The following TRAPPC6B variants were observed in gnomAD, a reference collection of about 807,000 sequenced individuals.
TRAPPC6B encodes trafficking protein particle complex subunit 6B, also known as TRAPP complex subunit 6B.
Under a neutral mutation model 24.7 loss-of-function variants are expected in TRAPPC6B, and 27 were observed. The ratio of observed to expected loss-of-function variants is 1.09; its 90% confidence interval spans 0.81 to 1.51. TRAPPC6B has a LOEUF of 1.51. Ranked by LOEUF, TRAPPC6B falls within the 40% of genes most tolerant of loss-of-function variation. The pLI is 0.00. For synonymous variants in TRAPPC6B, 80 were observed against 66.6 expected, an observed-to-expected ratio of 1.20 and a Z score of -0.98; for missense variants, 212 against 190.8, an observed-to-expected ratio of 1.11 and a Z score of -0.66.
In TRAPPC6B at chr14:39,149,483, T is replaced by C. The variant is rs2052890506; in HGVS notation, c.*867A>G. 1 of 152,208 alleles carries C rather than the reference T, an allele frequency of 6.6e-6. No homozygotes were observed. Among genetic ancestry groups the C allele is most frequent in the South Asian group, 2.1e-4 (1 of 4,830 alleles). The allele number at this position is 152,208 out of a possible 1,614,324, so 9.4% of individuals were successfully genotyped here. On this transcript the variant is annotated 3_prime_UTR_variant, in exon 6 of 6. Coordinates refer to ENST00000330149, the MANE Select transcript of TRAPPC6B (RefSeq NM_001079537.2). ...AGTAGAAGAGGTGGTAAGAAAGATATATCAGATGAGCACTGACCCCAAACC... is the reference window on the plus strand; with the variant it reads ...AGTAGAAGAGGTGGTAAGAAAGATACATCAGATGAGCACTGACCCCAAACC...
At chr14:39,161,649 T>C (rs764917358) in intron 1 of TRAPPC6B, among the ~76,000 whole-genome samples, 12 of 152,152 alleles carry the variant, frequency 7.9e-5, no homozygotes, top group Non-Finnish European at 1.6e-4. Context: ...CTGGATGTCT[T>C]TGGGCATGAG....
intron 3 of TRAPPC6B, among the ~76,000 whole-genome samples, chr14:39,156,462 T>C (rs570867529): frequency 2.5e-3 from 385 of 152,252 alleles, no homozygotes; most frequent in Non-Finnish European, 4.5e-3. Flanking sequence ...GGAGTGGTGG[T>C]GCATGCCTAT....
intron 3 of TRAPPC6B, among the ~76,000 whole-genome samples, chr14:39,154,608 T>C (rs2052954394): frequency 2.0e-5 from 3 of 151,938 alleles, no homozygotes; most frequent in Non-Finnish European, 4.4e-5. Context: ...CTTGTACAGA[T>C]GGGGTTTCGC....
chr14:39,164,228 G>A (rs2053085927), intron 1 of TRAPPC6B, among the ~76,000 whole-genome samples: 1 of 152,114 alleles, frequency 6.6e-6, no homozygotes, highest in Admixed American at 6.5e-5. Context: ...GGGCATGATG[G>A]CTCACGCCTC....
intron 1 of TRAPPC6B, among the ~76,000 whole-genome samples, chr14:39,166,808 G>C (rs2053112987): frequency 6.7e-6 from 1 of 149,278 alleles, no homozygotes; most frequent in Admixed American, 6.8e-5. Context: ...TGGTCCTCTG[G>C]CCCCCACCTC....
intron 1 of TRAPPC6B, among the ~76,000 whole-genome samples, chr14:39,163,093 C>T (rs2053075801): frequency 6.6e-6 from 1 of 150,636 alleles, no homozygotes; most frequent in Non-Finnish European, 1.5e-5. Context: ...AATGTGTTGG[C>T]TGGGTGTGGT....
intron 3 of TRAPPC6B, among the ~76,000 whole-genome samples, 198 bp downstream of exon 3, chr14:39,158,087 G>C (rs1295715398): frequency 1.3e-5 from 2 of 152,126 alleles, no homozygotes; most frequent in Non-Finnish European, 2.9e-5. Flanking sequence ...GAAAGGAACA[G>C]CTATCATTAC....
intron 1 of TRAPPC6B, among the ~76,000 whole-genome samples, chr14:39,165,279 T>C (rs1421392551): frequency 6.6e-6 from 1 of 152,182 alleles, no homozygotes; most frequent in East Asian, 1.9e-4. Context: ...TCTCCTGACC[T>C]TGTGATCCGC....
chr14:39,148,803 TTAG>T lies in TRAPPC6B; in HGVS notation c.*1544_*1546del. ...ATACATTCTGAGAAATGCATCATCA[TTAG>T]GAGATTTTAAAATTGTACAATCACA... On this transcript the variant is annotated 3_prime_UTR_variant, in exon 6 of 6. Coordinates refer to ENST00000330149, the MANE Select transcript of TRAPPC6B (RefSeq NM_001079537.2). 1 of 398,334 alleles carries T rather than the reference TTAG, an allele frequency of 2.5e-6. No individual in the cohort carries two copies. 24.7% of individuals were successfully genotyped at this position (398,334 alleles called of 1,614,324 possible). A position where few individuals can be genotyped will look rare whatever the true frequency, so the allele number is the denominator to read the frequency against.
At chr14:39,150,467 T>C (rs549552968) in intron 5 of TRAPPC6B, 86 bp from the exon 6 acceptor site, 5 of 990,806 alleles carry the variant, frequency 5.0e-6, no homozygotes, top group South Asian at 1.5e-5. Context: ...ATATAGGAAA[T>C]AGTTTCAGTC....
At chr14:39,164,538 C>T (rs963147624) in intron 1 of TRAPPC6B, among the ~76,000 whole-genome samples, 1 of 152,076 alleles carries the variant, frequency 6.6e-6, no homozygotes, top group Non-Finnish European at 1.5e-5. Context: ...GCACCTGCTC[C>T]CCTTTCTTCA....
At position 39,148,808 on chromosome 14, in the gene TRAPPC6B, A is replaced by G. The variant is rs547150697; in HGVS notation, c.*1542T>C. 2.0e-5 allele frequency: 8 copies of G among 398,312 alleles called. No homozygotes were observed. In the South Asian group the frequency reaches 7.6e-4, roughly 38 times the overall value. The allele number at this position is 398,312 out of a possible 1,614,324, so 24.7% of individuals were successfully genotyped here. ...TTCTGAGAAATGCATCATCATTAGGAGATTTTAAAATTGTACAATCACAGA... is the reference window on the plus strand; with the variant it reads ...TTCTGAGAAATGCATCATCATTAGGGGATTTTAAAATTGTACAATCACAGA... On this transcript the variant is annotated 3_prime_UTR_variant, in exon 6 of 6. Transcript: ENST00000330149.
rs1412806403 is a variant in TRAPPC6B at position 39,148,893 on chromosome 14, C to G, written c.*1457G>C. On this transcript the variant is annotated 3_prime_UTR_variant, in exon 6 of 6. Transcript: ENST00000330149. ...TATACACCTAAGCTATGGCCTATTG[C>G]TCCTAGGCTACAAACCTGTACAGCA... 3 of 396,050 alleles carry G rather than the reference C, an allele frequency of 7.6e-6. No homozygotes were observed. Among genetic ancestry groups the G allele is most frequent in the Non-Finnish European group, 1.3e-5 (3 of 225,032 alleles). The allele number at this position is 396,050 out of a possible 1,614,324, so 24.5% of individuals were successfully genotyped here.
At chr14:39,161,668 C>G (rs529885533) in intron 1 of TRAPPC6B, among the ~76,000 whole-genome samples, 2 of 152,198 alleles carry the variant, frequency 1.3e-5, no homozygotes, top group African/African-American at 4.8e-5. Context: ...AGAGCCAACT[C>G]TCTTACCGTA....
At chr14:39,151,680 T>TA (rs368236715) in intron 5 of TRAPPC6B, 66 bp downstream of exon 5, 55,149 of 908,244 alleles carry the variant, frequency 0.061, 1,072 homozygotes, top group African/African-American at 0.22. Flanking sequence ...TCAGTTAAAT[T>TA]AAAAAAAAAA....
intron 5 of TRAPPC6B, among the ~76,000 whole-genome samples, chr14:39,150,602 G>A (rs1031375598): frequency 3.3e-5 from 5 of 151,902 alleles, no homozygotes; most frequent in Admixed American, 2.0e-4. Context: ...GCAGTGGCAC[G>A]ATCTCTGCTC....
intron 1 of TRAPPC6B, among the ~76,000 whole-genome samples, chr14:39,164,297 C>A (rs114688925): frequency 0.015 from 2,321 of 152,274 alleles, 68 homozygotes; most frequent in African/African-American, 0.052. Flanking sequence ...TCGAGACCAG[C>A]TTTACCGACA....
chr14:39,151,112 C>T (rs2052906572), intron 5 of TRAPPC6B, among the ~76,000 whole-genome samples: 1 of 151,922 alleles, frequency 6.6e-6, no homozygotes. Flanking sequence ...CATTTTCGGG[C>T]CGGGCGCGGT....
chr14:39,169,610 T>C (rs537562358), intron 1 of TRAPPC6B, among the ~76,000 whole-genome samples: 1 of 152,304 alleles, frequency 6.6e-6, no homozygotes, highest in African/African-American at 2.4e-5. Flanking sequence ...GCATTAGGAA[T>C]GAGGAAGGAG....
Sources: gnomAD v4.1 joint callset for allele counts (sites outside exome capture counted in the v4.1 genomes callset) on GRCh38, gnomAD v4.1.1 for gene constraint, MANE v1.5 for transcripts, NCBI Gene and HGNC (gene_info 2026-07-23, HGNC 2026-07-21) for gene names.